Variants in SPATA7 observed in about 807,000 individuals in gnomAD.
SPATA7 encodes spermatogenesis-associated protein 7.
SPATA7 carries 43 observed loss-of-function variants against 51.8 expected under a neutral mutation model. The observed-to-expected ratio is 0.83, with a 90% CI of 0.65 to 1.07. The LOEUF is 1.07. Among genes scored for constraint, SPATA7 ranks in the 50% least tolerant of loss-of-function variants. The pLI, the probability that SPATA7 is intolerant of heterozygous loss-of-function variation, is 0.00. For synonymous variants in SPATA7, 230 were observed against 252.8 expected, an observed-to-expected ratio of 0.91 and a Z score of 0.86; for missense variants, 683 against 701.3, an observed-to-expected ratio of 0.97 and a Z score of 0.30.
At chr14:88,407,302 C>T (rs185220600) in intron 4 of SPATA7, among the ~76,000 whole-genome samples, 36 of 152,228 alleles carry the variant, frequency 2.4e-4, no homozygotes, top group African/African-American at 8.2e-4. Context: ...TTTTAATGAT[C>T]GCTATTCTAA....
intron 4 of SPATA7, among the ~76,000 whole-genome samples, chr14:88,461,802 C>G (rs6575008): frequency 6.6e-6 from 1 of 152,226 alleles, no homozygotes; most frequent in East Asian, 1.9e-4. Context: ...GCGTCACTCG[C>G]GCTGGGAGCT....
intron 3 of SPATA7, among the ~76,000 whole-genome samples, chr14:88,444,301 C>T (rs1006981509): frequency 5.3e-5 from 8 of 152,068 alleles, no homozygotes; most frequent in Non-Finnish European, 1.0e-4. Flanking sequence ...AGTGTCTGTT[C>T]ATGTCCTTTG....
intron 4 of SPATA7, chr14:88,468,310 G>T: frequency 2.0e-6 from 3 of 1,515,154 alleles, no homozygotes; most frequent in Non-Finnish European, 2.7e-6. Context: ...TTCCCCTGGG[G>T]AGACAGAAAG....
intron 3 of SPATA7, among the ~76,000 whole-genome samples, chr14:88,451,632 A>G (rs930683704): frequency 5.3e-5 from 8 of 151,128 alleles, no homozygotes; most frequent in Non-Finnish European, 7.4e-5. Flanking sequence ...GGTTCAAGCA[A>G]TTCTGCTTCA....
chr14:88,437,604 C>A lies in SPATA7; in HGVS notation c.1215+7C>A, dbSNP rs201943545. The A allele has an allele frequency of 2.3e-4, 365 of 1,601,588 alleles. 3 individuals are homozygous for A. The South Asian group carries it at 3.8e-3, about 17-fold the overall frequency. ...AAATAAACATTTGGAGGAGGTTTGT[C>A]TTTCCTTATAACTTCATTAGAAAAA... On this transcript the variant is annotated splice_region_variant and intron_variant, in intron 11 of 11. Coordinates refer to ENST00000393545, the MANE Select transcript of SPATA7 (RefSeq NM_018418.5).
chr14:88,415,013 G>A (rs1274276605), intron 4 of SPATA7, among the ~76,000 whole-genome samples: 6 of 152,176 alleles, frequency 3.9e-5, no homozygotes, highest in African/African-American at 1.4e-4. Context: ...ATGCAGATGA[G>A]AAGAATGTTT....
chr14:88,419,441 CTTCT>C (rs2076575593), intron 5 of SPATA7, among the ~76,000 whole-genome samples: 1 of 112,966 alleles, frequency 8.9e-6, no homozygotes, highest in Non-Finnish European at 1.9e-5. Context: ...TTAATGTTTT[CTTCT>C]TTTTTTTTTT....
intron 4 of SPATA7, among the ~76,000 whole-genome samples, chr14:88,401,261 C>T (rs998881465): frequency 6.6e-6 from 1 of 152,180 alleles, no homozygotes; most frequent in Non-Finnish European, 1.5e-5. Flanking sequence ...ACAATCATCT[C>T]AATACATGCA....
At chr14:88,425,405 C>T (rs1021394278) in intron 5 of SPATA7, among the ~76,000 whole-genome samples, 11 of 152,120 alleles carry the variant, frequency 7.2e-5, no homozygotes, top group African/African-American at 2.2e-4. Flanking sequence ...TTTTTAACCT[C>T]AATTTCTGTA....
rs766839446 is a variant in SPATA7 at position 88,469,002 on chromosome 14, A to G, written c.255-845A>G. The G allele has an allele frequency of 2.5e-6, 4 of 1,613,886 alleles. No individual in the cohort carries two copies. The highest frequency in any genetic ancestry group is 3.4e-6 in the Non-Finnish European group (4 of 1,179,938). ...ACCCCAGCACTGCAGTGGACCAACA[A>G]CGGAGGGTTGGGGCTTTGGGGATCA... On this transcript the variant is annotated intron_variant, in intron 4 of 4. Coordinates refer to the SPATA7 transcript ENST00000556406. The surrounding 1 kb of genome is among the most constrained non-coding windows in gnomAD (Gnocchi z 4.3).
intron 2 of SPATA7, among the ~76,000 whole-genome samples, chr14:88,393,150 A>G (rs2075788675): frequency 6.6e-6 from 1 of 152,082 alleles, no homozygotes; most frequent in African/African-American, 2.4e-5. Flanking sequence ...ATATCCTAGA[A>G]TCTCTTCCCC....
intron 8 of SPATA7, among the ~76,000 whole-genome samples, chr14:88,429,969 G>A (rs1305953671): frequency 3.3e-5 from 5 of 151,386 alleles, no homozygotes; most frequent in Non-Finnish European, 5.9e-5. Context: ...GCAGTGGTGC[G>A]GTCTCAGCTC....
At chr14:88,453,472 A>G (rs1227825626) in intron 3 of SPATA7, among the ~76,000 whole-genome samples, 1 of 143,562 alleles carries the variant, frequency 7.0e-6, no homozygotes, top group Non-Finnish European at 1.5e-5. Flanking sequence ...TTTGTGGGCA[A>G]GACTATACTT....
chr14:88,435,837 C>CACTT (rs972787180), intron 10 of SPATA7, among the ~76,000 whole-genome samples: 7 of 152,098 alleles, frequency 4.6e-5, no homozygotes, highest in Admixed American at 4.6e-4. Context: ...TGTTAATGGA[C>CACTT]ACTTAGTTGC....
chr14:88,426,746 T>G (rs1566780393), intron 6 of SPATA7, 42 bp downstream of exon 6: 1 of 1,520,240 alleles, frequency 6.6e-7, no homozygotes, highest in Non-Finnish European at 9.0e-7. Flanking sequence ...TTCAGGAAAT[T>G]AAATGAAAAT....
At chr14:88,456,349 A>AG (rs2077283911), downstream of SPATA7, among the ~76,000 whole-genome samples, 5 of 151,958 alleles carry the variant, frequency 3.3e-5, no homozygotes, top group Admixed American at 3.3e-4. Flanking sequence ...AACAGTGTAA[A>AG]AGTGTTCCTA....
chr14:88,427,653 C>G lies in SPATA7; in HGVS notation c.869C>G (p.Ala290Gly). 1 of 1,609,624 alleles carries G rather than the reference C, an allele frequency of 6.2e-7. No individual in the cohort carries two copies. The highest frequency in any genetic ancestry group is 8.5e-7 in the Non-Finnish European group (1 of 1,176,604). Residue 290 changes from alanine (A) to glycine (G), a missense_variant, in exon 7 of 12, where the codon GCT becomes GGT. By Grantham distance (60) the Ala-to-Gly change is moderately conservative (BLOSUM62 0). Transcript: ENST00000393545. ...ELSFKSELGT[A>G]ETKNMTDSEM... ...AGCTTTAAATCTGAGTTGGGGACAGCTGAGACTAAAAACATGACAGATTCA... is the reference window on the plus strand; with the variant it reads ...AGCTTTAAATCTGAGTTGGGGACAGGTGAGACTAAAAACATGACAGATTCA...
intron 4 of SPATA7, among the ~76,000 whole-genome samples, chr14:88,465,379 A>G (rs1233237839): frequency 6.6e-6 from 1 of 152,204 alleles, no homozygotes; most frequent in African/African-American, 2.4e-5. Flanking sequence ...AGGCAGGAGA[A>G]TCACTCGAAC....
chr14:88,397,771 G>A (rs1275959432), intron 4 of SPATA7, among the ~76,000 whole-genome samples: 1 of 152,052 alleles, frequency 6.6e-6, no homozygotes, highest in Non-Finnish European at 1.5e-5. Flanking sequence ...TGAAAACCCT[G>A]TTTAAAAATT....
Sources: gnomAD v4.1 joint callset for allele counts (sites outside exome capture counted in the v4.1 genomes callset) on GRCh38, gnomAD v4.1.1 for gene constraint, Gnocchi (gnomAD v3.1) non-coding constraint, MANE v1.5 for transcripts, NCBI Gene and HGNC (gene_info 2026-07-23, HGNC 2026-07-21) for gene names.